CXADR: variants seen among roughly 807,000 people sequenced by gnomAD.
The protein encoded by CXADR is CXADR cell adhesion molecule.
Under a neutral mutation model 40.3 loss-of-function variants are expected in CXADR, and 20 were observed. That is an observed-to-expected ratio of 0.50 (90% CI 0.35 to 0.72). The LOEUF (loss-of-function observed/expected upper bound fraction) is 0.72, where lower values mean the gene tolerates loss of function less well. CXADR is among the 30% of genes least tolerant of loss of function. The pLI, the probability that CXADR is intolerant of heterozygous loss-of-function variation, is 0.01. For synonymous variants in CXADR, 150 were observed against 161.3 expected, an observed-to-expected ratio of 0.93 and a Z score of 0.53; for missense variants, 332 against 449.1, an observed-to-expected ratio of 0.74 and a Z score of 2.36.
At chr21:17,581,962 G>A (rs893012588) in intron 7 of CXADR, among the ~76,000 whole-genome samples, 8 of 151,798 alleles carry the variant, frequency 5.3e-5, no homozygotes, top group African/African-American at 9.7e-5. Context: ...TTGTTTTGAC[G>A]GCGTTTCACT....
intron 1 of CXADR, among the ~76,000 whole-genome samples, chr21:17,517,880 GTTC>G (rs1272573659): frequency 1.4e-4 from 22 of 152,176 alleles, no homozygotes; most frequent in Non-Finnish European, 3.1e-4. Flanking sequence ...AGTAAAAGAA[GTTC>G]TTCTGGGTCT....
intron 7 of CXADR, among the ~76,000 whole-genome samples, chr21:17,583,958 A>G (rs932329796): frequency 9.2e-5 from 14 of 152,150 alleles, no homozygotes; most frequent in Admixed American, 3.3e-4. Context: ...TTTTGTTGCT[A>G]TGTTAGAAAG....
chr21:17,520,906 T>G (rs2060522555), intron 1 of CXADR, among the ~76,000 whole-genome samples: 1 of 152,036 alleles, frequency 6.6e-6, no homozygotes, highest in African/African-American at 2.4e-5. Context: ...GAGCTTAAGT[T>G]TGGACAGGTA....
At chr21:17,613,200 G>T in the CXADR span, 4,629 of 152,354 alleles carry the variant, frequency 0.03, 99 homozygotes, top group Middle Eastern at 0.068. Context: ...CCCCCGCCCG[G>T]CCGCCCTACG....
intron 7 of CXADR, among the ~76,000 whole-genome samples, chr21:17,592,433 TTAAA>T (rs1285518518): frequency 2.0e-5 from 3 of 151,886 alleles, no homozygotes; most frequent in Non-Finnish European, 2.9e-5. Context: ...CCATACATGG[TTAAA>T]TACAGATGAA....
At chr21:17,626,970 A>G in the CXADR span, 1 of 152,244 alleles carries the variant, frequency 6.6e-6, no homozygotes, top group African/African-American at 2.4e-5. Context: ...GAAAGAGACA[A>G]GAAGGAAAGT....
rs527279072 is a variant in CXADR, at chr21:17,566,891, A to C, written c.*1199A>C. 2.0e-6 allele frequency: 2 copies of C among 984,648 alleles called. No homozygotes were observed. The highest frequency in any genetic ancestry group is 9.4e-5 in the South Asian group (2 of 21,264). 61.0% of individuals were successfully genotyped at this position (984,648 alleles called of 1,614,324 possible). On this transcript the variant is annotated 3_prime_UTR_variant, in exon 7 of 7. Coordinates refer to ENST00000284878, the MANE Select transcript of CXADR (RefSeq NM_001338.5). The stretch of plus-strand genomic sequence containing the variant: ...AACATGTCTCTGTGTAGTTCCAGCA[A>C]ATCAAGCTGAGCTTTGAAAAAGTTT...
At chr21:17,514,576 A>G (rs1399471963) in intron 1 of CXADR, among the ~76,000 whole-genome samples, 1 of 151,990 alleles carries the variant, frequency 6.6e-6, no homozygotes, top group Non-Finnish European at 1.5e-5. Context: ...AAAAAAAAAA[A>G]AAATAGTTTT....
At position 17,547,182 on chromosome 21, in the gene CXADR, G is replaced by T; in HGVS notation, c.199G>T (p.Val67Leu). 6.2e-7 allele frequency: 1 copy of T among 1,614,192 alleles called. No homozygotes were observed. The highest frequency in any genetic ancestry group is 2.2e-5 in the East Asian group (1 of 44,884). ...GATATCACCAGCTGATAATCAGAAG[G>T]TGGATCAAGTGGTAAGTTTGATATG... ...WLISPADNQKVDQVIILYSGD... is the reference protein window; with the variant it reads ...WLISPADNQKLDQVIILYSGD... Residue 67 changes from valine to leucine, a missense_variant, in exon 2 of 7, where the codon GTG (valine) becomes TTG (leucine). Transcript: ENST00000284878.
intron 7 of CXADR, among the ~76,000 whole-genome samples, chr21:17,580,821 G>A (rs2061355117): frequency 6.6e-6 from 1 of 152,100 alleles, no homozygotes; most frequent in Non-Finnish European, 1.5e-5. Context: ...GGTGATCATG[G>A]CTCACTGCAG....
chr21:17,535,262 G>A (rs1207179687), intron 1 of CXADR, among the ~76,000 whole-genome samples: 2 of 152,138 alleles, frequency 1.3e-5, no homozygotes, highest in African/African-American at 4.8e-5. Context: ...TAGTAGCTGG[G>A]ACCACAGGCG....
the CXADR span, among the ~76,000 whole-genome samples, chr21:17,606,127 A>T: frequency 6.6e-6 from 1 of 152,216 alleles, no homozygotes; most frequent in Non-Finnish European, 1.5e-5. Context: ...TAAAAAATTT[A>T]TTATGCAATG....
intron 7 of CXADR, among the ~76,000 whole-genome samples, chr21:17,588,038 A>C (rs1420567349): frequency 6.6e-6 from 1 of 152,082 alleles, no homozygotes; most frequent in East Asian, 1.9e-4. Flanking sequence ...AAGATCAGAT[A>C]GTTGTAGATA....
intron 1 of CXADR, among the ~76,000 whole-genome samples, chr21:17,521,724 G>A (rs2060532988): frequency 6.6e-6 from 1 of 152,194 alleles, no homozygotes; most frequent in East Asian, 1.9e-4. Context: ...TGCATGTGTG[G>A]CCTTAATTCC....
chr21:17,524,028 T>TTG (rs531486507), intron 1 of CXADR, among the ~76,000 whole-genome samples: 3,555 of 148,766 alleles, frequency 0.024, 136 homozygotes, highest in African/African-American at 0.083. Flanking sequence ...CCAGGCGATT[T>TTG]TGTGTGTGTG....
the CXADR span, among the ~76,000 whole-genome samples, chr21:17,602,181 T>C: frequency 6.6e-6 from 1 of 151,762 alleles, no homozygotes. Context: ...AGTTGTAAAA[T>C]ATGTTGAGTA....
At position 17,565,660 on chromosome 21, in the gene CXADR, C is replaced by T. The variant is rs142651712; in HGVS notation, c.1066C>T (p.Pro356Ser). 1.4e-3 allele frequency: 2,332 copies of T among 1,611,940 alleles called. 38 individuals are homozygous for T. In the African/African-American group the frequency reaches 0.026, roughly 18 times the overall value. ...AATGGGTGCGATTCCTGTGATGATT[C>T]CAGCACAGAGCAAGGATGGGTCTAT... The part of the protein sequence containing the change: ...SRMGAIPVMI[P>S]AQSKDGSIV The change falls in exon 7 of 7, where the codon CCA becomes TCA. Residue 356 changes from proline to serine, a missense_variant. Physicochemically the swap from Pro to Ser is moderately conservative, Grantham distance 74. Transcript: ENST00000284878.
At chr21:17,530,352 GTTTT>G (rs2060657338) in intron 1 of CXADR, 1 of 445,930 alleles carries the variant, frequency 2.2e-6, no homozygotes, top group Non-Finnish European at 4.5e-6. Flanking sequence ...TACAGTTTGT[GTTTT>G]TTGTCTTATT....
chr21:17,566,279 C>T lies in CXADR; in HGVS notation c.*587C>T, dbSNP rs781077257. The T allele has an allele frequency of 8.2e-6, 8 of 980,598 alleles. No homozygotes were observed. The highest frequency in any genetic ancestry group is 9.7e-6 in the Non-Finnish European group (8 of 825,602). The allele number at this position is 980,598 out of a possible 1,614,324, so 60.7% of individuals were successfully genotyped here. On this transcript the variant is annotated 3_prime_UTR_variant, in exon 7 of 7. Transcript: ENST00000284878. The stretch of plus-strand genomic sequence containing the variant: ...GAAATTACTAATTTTACTTCTAAGT[C>T]ATTCATAAACCTTGTCTATGAAATG...
Sources: gnomAD v4.1 joint callset for allele counts (sites outside exome capture counted in the v4.1 genomes callset) on GRCh38, gnomAD v4.1.1 for gene constraint, MANE v1.5 for transcripts, NCBI Gene and HGNC (gene_info 2026-07-23, HGNC 2026-07-21) for gene names.